The following COL21A1 variants were observed in gnomAD, a reference collection of about 807,000 sequenced individuals.
COL21A1 encodes the protein collagen type XXI alpha 1 chain, also known as collagen alpha-1(XXI) chain.
A neutral mutation model predicts 137.9 loss-of-function variants in COL21A1; 149 were observed. The ratio of observed to expected loss-of-function variants is 1.08; its 90% CI spans 0.95 to 1.24. COL21A1 has a LOEUF of 1.24. Among genes scored for constraint, COL21A1 ranks in the 50% most tolerant of loss-of-function variants. The probability of loss-of-function intolerance (pLI) is 0.00; values close to 1 mark genes in which losing one functional copy is unlikely to be tolerated. For missense variants in COL21A1, 1,167 were observed against 1,158.4 expected, an observed-to-expected ratio of 1.01 and a Z score of -0.11; for synonymous variants, 456 against 391.5, an observed-to-expected ratio of 1.16 and a Z score of -1.95.
chr6:56,283,946 C>G (rs1173414179), intron 1 of COL21A1, among the ~76,000 whole-genome samples: 1 of 151,816 alleles, frequency 6.6e-6, no homozygotes, highest in African/African-American at 2.4e-5. Context: ...ACAGGAGTGG[C>G]CGACCTGGGG....
intron 1 of COL21A1, among the ~76,000 whole-genome samples, chr6:56,292,993 A>G (rs1285560614): frequency 6.6e-6 from 1 of 152,212 alleles, no homozygotes; most frequent in Non-Finnish European, 1.5e-5. Flanking sequence ...AAAAATTTAT[A>G]GTATGCTTTT....
intron 12 of COL21A1, among the ~76,000 whole-genome samples, chr6:56,138,441 T>G (rs1774164628): frequency 6.6e-6 from 1 of 151,572 alleles, no homozygotes; most frequent in South Asian, 2.1e-4. Context: ...CACCCCAACA[T>G]TTAGAGAATG....
chr6:56,127,439 TAATA>T (rs1289847855), intron 12 of COL21A1, among the ~76,000 whole-genome samples: 2 of 152,194 alleles, frequency 1.3e-5, no homozygotes, highest in Non-Finnish European at 2.9e-5. Context: ...AATTTTTCTT[TAATA>T]AATATCTCCT....
intron 17 of COL21A1, among the ~76,000 whole-genome samples, chr6:56,084,156 C>T (rs141243484): frequency 1.3e-4 from 20 of 151,370 alleles, no homozygotes; most frequent in Non-Finnish European, 1.8e-4. Flanking sequence ...TATTTTAAAC[C>T]AGTAGTCACA....
chr6:56,130,698 C>T (rs12205230), intron 12 of COL21A1, among the ~76,000 whole-genome samples: 22,854 of 151,580 alleles, frequency 0.15, 1,758 homozygotes, highest in Middle Eastern at 0.22. Flanking sequence ...TCTTATGTGC[C>T]GAAGGAAGAT....
At chr6:56,268,425 A>G (rs1306913364) in intron 1 of COL21A1, among the ~76,000 whole-genome samples, 2 of 152,194 alleles carry the variant, frequency 1.3e-5, no homozygotes, top group African/African-American at 4.8e-5. Context: ...TGTGAACACA[A>G]GGAAATACAA....
chr6:56,268,669 C>T (rs774594622), intron 1 of COL21A1, among the ~76,000 whole-genome samples: 14 of 152,310 alleles, frequency 9.2e-5, no homozygotes, highest in East Asian at 1.9e-4. Flanking sequence ...GATAAAGGAA[C>T]ATCAGCCCTC....
intron 1 of COL21A1, among the ~76,000 whole-genome samples, chr6:56,204,398 C>T (rs1054934881): frequency 3.0e-4 from 46 of 152,248 alleles, no homozygotes; most frequent in African/African-American, 1.1e-3. Flanking sequence ...CTCAGCAAGG[C>T]CATTGCTGCC....
intron 1 of COL21A1, among the ~76,000 whole-genome samples, chr6:56,217,313 A>G (rs1435757432): frequency 6.6e-6 from 1 of 152,178 alleles, no homozygotes; most frequent in Non-Finnish European, 1.5e-5. Flanking sequence ...CAAAATCACC[A>G]ATTAAGTCAA....
chr6:56,110,956 AC>A (rs1311544710), intron 16 of COL21A1, among the ~76,000 whole-genome samples: 1 of 152,132 alleles, frequency 6.6e-6, no homozygotes, highest in Non-Finnish European at 1.5e-5. Flanking sequence ...TTAAGTCTAC[AC>A]CCCACCTTGA....
chr6:56,193,505 T>C (rs1306126051), intron 1 of COL21A1, among the ~76,000 whole-genome samples: 2 of 152,098 alleles, frequency 1.3e-5, no homozygotes, highest in East Asian at 1.9e-4. Context: ...TCTATGGTGT[T>C]AGAAATCAGG....
At chr6:56,334,867 C>T (rs185866077) in intron 1 of COL21A1, among the ~76,000 whole-genome samples, 30 of 152,238 alleles carry the variant, frequency 2.0e-4, no homozygotes, top group Admixed American at 1.5e-3. Context: ...CCAATTTCCT[C>T]TTTTTGTCTT....
chr6:56,290,245 A>T (rs949871177), intron 1 of COL21A1, among the ~76,000 whole-genome samples: 5 of 152,022 alleles, frequency 3.3e-5, no homozygotes, highest in Non-Finnish European at 5.9e-5. Context: ...TCTCAGCCTT[A>T]GCACTATTGA....
rs772507222 is a variant in COL21A1, at chr6:56,168,306, A to G, written c.1027-9T>C. 26 of 1,523,862 alleles carry G rather than the reference A, an allele frequency of 1.7e-5. No individual in the cohort carries two copies. The South Asian group carries it at 3.2e-4, about 19-fold the overall frequency. 94.4% of individuals were successfully genotyped at this position (1,523,862 alleles called of 1,614,324 possible). The stretch of plus-strand genomic sequence containing the variant: ...CCTTCATCAAACAACGTCTACAAAA[A>G]GAAAGTGTGGAAGATTCATAAATAA... On this transcript the variant is annotated splice_polypyrimidine_tract_variant and intron_variant, in intron 5 of 29. Coordinates refer to ENST00000244728, the MANE Select transcript of COL21A1 (RefSeq NM_030820.4).
intron 1 of COL21A1, among the ~76,000 whole-genome samples, chr6:56,340,690 C>A (rs6899444): frequency 6.6e-6 from 1 of 151,974 alleles, no homozygotes; most frequent in African/African-American, 2.4e-5. Context: ...TAATACCTTA[C>A]TGAACACCTT....
At chr6:56,222,849 A>C (rs1233305011) in intron 1 of COL21A1, among the ~76,000 whole-genome samples, 2 of 152,122 alleles carry the variant, frequency 1.3e-5, no homozygotes, top group East Asian at 3.9e-4. Flanking sequence ...TACAGTTTCC[A>C]AAAAACTGAA....
intron 1 of COL21A1, among the ~76,000 whole-genome samples, chr6:56,343,992 TAAC>T (rs915544026): frequency 6.6e-6 from 1 of 152,190 alleles, no homozygotes; most frequent in Non-Finnish European, 1.5e-5. Flanking sequence ...CAGTGATGGA[TAAC>T]AATATTTGAC....
At position 56,325,324 on chromosome 6, in the gene COL21A1, A is replaced by T. The variant is rs1175692386; in HGVS notation, c.-39+68647T>A. ...TATTATAATATATATATTATATATT[A>T]TATATATTATATATTATATATTATA... On this transcript the variant is annotated intron_variant, in intron 1 of 28. Coordinates refer to the COL21A1 transcript ENST00000370819. 8.6e-3 allele frequency among the ~76,000 whole-genome samples: 5 copies of T among 582 alleles called. 1 individual carries two copies. The highest frequency in any genetic ancestry group is 8.8e-3 in the African/African-American group (5 of 568). 0.4% of individuals were successfully genotyped at this position (582 alleles called of 152,430 possible).
chr6:56,100,401 A>G (rs976454382), intron 17 of COL21A1, among the ~76,000 whole-genome samples: 7 of 152,170 alleles, frequency 4.6e-5, no homozygotes, highest in African/African-American at 1.7e-4. Flanking sequence ...AAAATTTCCT[A>G]CGTAAGCTTC....
Sources: gnomAD v4.1 joint callset for allele counts (sites outside exome capture counted in the v4.1 genomes callset) on GRCh38, gnomAD v4.1.1 for gene constraint, MANE v1.5 for transcripts, NCBI Gene and HGNC (gene_info 2026-07-23, HGNC 2026-07-21) for gene names.